Variants in HDAC4 observed in about 807,000 individuals in gnomAD.
The protein encoded by HDAC4 is histone deacetylase A.
Under a neutral mutation model 135.1 loss-of-function variants are expected in HDAC4, and 16 were observed. The ratio of observed to expected loss-of-function variants is 0.12; its 90% CI spans 0.08 to 0.18. The LOEUF (loss-of-function observed/expected upper bound fraction) is 0.18, where lower values mean the gene tolerates loss of function less well. Ranked by LOEUF, HDAC4 falls within the 10% of genes least tolerant of loss-of-function variation. The pLI, the probability that HDAC4 is intolerant of heterozygous loss-of-function variation, is 1.00. For synonymous variants in HDAC4, 685 were observed against 653.4 expected (o/e 1.05, Z -0.74); for missense variants, 1,143 against 1,511.8 (o/e 0.76, Z 4.05).
At position 239,331,436 on chromosome 2, in the gene HDAC4, C is replaced by T. The variant is rs1407697489; in HGVS notation, c.22+21242G>A. Among the ~76,000 whole-genome samples the T allele has an allele frequency of 6.6e-6, 1 of 152,186 alleles. No homozygotes were observed. Among genetic ancestry groups the T allele is most frequent in the Non-Finnish European group, 1.5e-5 (1 of 68,034 alleles). On this transcript the variant is annotated intron_variant, in intron 2 of 26. Transcript: ENST00000543185. This position sits in a 1 kb window ranked among gnomAD's most constrained non-coding sequence, Gnocchi z 4.5. ...CTGAATAAAAGTGCTATAAGAGCTGCTCAAGGCTGCAGATATATTTCAGTC... is the reference window on the plus strand; with the variant it reads ...CTGAATAAAAGTGCTATAAGAGCTGTTCAAGGCTGCAGATATATTTCAGTC...
intron 2 of HDAC4, among the ~76,000 whole-genome samples, chr2:239,254,127 G>T (rs1471938452): frequency 2.0e-5 from 3 of 152,140 alleles, no homozygotes; most frequent in Non-Finnish European, 4.4e-5. Context: ...CTAGAAATAA[G>T]GGTAAAACTA....
intron 2 of HDAC4, among the ~76,000 whole-genome samples, chr2:239,282,705 TGCAA>T (rs529041359): frequency 1.2e-4 from 16 of 131,622 alleles, no homozygotes; most frequent in African/African-American, 4.5e-4. Context: ...CACACCACTC[TGCAA>T]ACAATGTACA....
chr2:239,224,563 G>A (rs983603625), intron 3 of HDAC4, among the ~76,000 whole-genome samples: 13 of 152,118 alleles, frequency 8.5e-5, no homozygotes, highest in African/African-American at 2.4e-4. Context: ...GTGTAAAATC[G>A]CAGCCCCTCC....
chr2:239,338,900 C>G (rs1043924562), intron 2 of HDAC4, among the ~76,000 whole-genome samples: 1 of 152,190 alleles, frequency 6.6e-6, no homozygotes, highest in Non-Finnish European at 1.5e-5. Flanking sequence ...CTACCAAAAG[C>G]GTAGGTTCGG....
chr2:239,091,866 C>T (rs902202615), intron 17 of HDAC4: 6 of 150,926 alleles, frequency 4.0e-5, no homozygotes, highest in African/African-American at 1.5e-4. Context: ...CGAGACCATC[C>T]TGGCTAACAC....
intron 2 of HDAC4, among the ~76,000 whole-genome samples, chr2:239,337,089 C>T (rs556542170): frequency 2.6e-4 from 40 of 152,136 alleles, no homozygotes; most frequent in Non-Finnish European, 5.6e-4. Flanking sequence ...AGGAAGACCA[C>T]GGGGGAAAGT....
intron 3 of HDAC4, among the ~76,000 whole-genome samples, chr2:239,209,925 A>T (rs1297137186): frequency 2.0e-5 from 3 of 152,256 alleles, no homozygotes; most frequent in Admixed American, 6.5e-5. Context: ...GGCAAATCAG[A>T]CCCCTGGAGA....
intron 22 of HDAC4, among the ~76,000 whole-genome samples, chr2:239,072,248 C>T (rs1224365497): frequency 3.3e-5 from 5 of 152,160 alleles, no homozygotes; most frequent in South Asian, 4.1e-4. Context: ...CACGTTAGTG[C>T]GAATTTATTT....
At chr2:239,121,628 C>T (rs1450101446) in intron 12 of HDAC4, among the ~76,000 whole-genome samples, 2 of 152,252 alleles carry the variant, frequency 1.3e-5, no homozygotes, top group Non-Finnish European at 2.9e-5. Context: ...GAAGTGTCCC[C>T]CGCTGCCGCA....
intron 3 of HDAC4, among the ~76,000 whole-genome samples, chr2:239,202,355 G>A (rs1481805055): frequency 6.6e-6 from 1 of 152,252 alleles, no homozygotes; most frequent in Non-Finnish European, 1.5e-5. Context: ...AATTTCCAGT[G>A]TGGACTTAAG....
In HDAC4 at chr2:239,066,873, A is replaced by G. The variant is rs1221039862; in HGVS notation, c.2870-18T>C. 1.9e-6 allele frequency: 3 copies of G among 1,610,806 alleles called. No homozygotes were observed. In the East Asian group the frequency reaches 6.7e-5, roughly 36 times the overall value. ...CCCGAAGCCTGCAACGGGAAACGGG[A>G]GACTGCAGTGTGAACGGGGGAGGAC... is the stretch of plus-strand genomic sequence containing the variant. On this transcript the variant is annotated intron_variant, in intron 23 of 26. Transcript: ENST00000543185.
chr2:239,182,548 C>G (rs920538151), intron 4 of HDAC4, among the ~76,000 whole-genome samples: 3 of 152,218 alleles, frequency 2.0e-5, no homozygotes, highest in Non-Finnish European at 4.4e-5. Context: ...CCAGCAGTCA[C>G]AAACAGTGAC....
intron 2 of HDAC4, among the ~76,000 whole-genome samples, chr2:239,268,377 G>A (rs1471567524): frequency 6.6e-6 from 1 of 152,224 alleles, no homozygotes; most frequent in African/African-American, 2.4e-5. Context: ...ATTAGACTTG[G>A]GTCTAGATTT....
rs2052994750 is a variant in HDAC4, at chr2:239,313,745, C to T, written c.22+38933G>A. On this transcript the variant is annotated intron_variant, in intron 2 of 26. Transcript: ENST00000543185. The surrounding 1 kb of genome is among the most constrained non-coding windows in gnomAD (Gnocchi z 5.1). ...TTCACGCCTGGCAATATGGCACACG[C>T]ACTTTTAGAGACGTCTAATTATACT... Among the ~76,000 whole-genome samples, 2 of 152,198 alleles carry T rather than the reference C, an allele frequency of 1.3e-5. No homozygotes were observed.
intron 25 of HDAC4, 67 bp downstream of exon 25, chr2:239,054,682 G>T: frequency 1.0e-6 from 1 of 978,076 alleles, no homozygotes; most frequent in Non-Finnish European, 1.7e-6. Flanking sequence ...GGGGGACAGG[G>T]ATGGGGTGTG....
At chr2:239,250,338 G>A (rs1301057772) in intron 2 of HDAC4, among the ~76,000 whole-genome samples, 1 of 152,244 alleles carries the variant, frequency 6.6e-6, no homozygotes, top group Non-Finnish European at 1.5e-5. Context: ...CTCTAACCCT[G>A]CAGGTGGCTC....
chr2:239,393,848 G>A (rs909336105), intron 1 of HDAC4, among the ~76,000 whole-genome samples: 12 of 152,224 alleles, frequency 7.9e-5, no homozygotes, highest in African/African-American at 2.9e-4. Flanking sequence ...CAGAGAATGT[G>A]TTCAACTGAG....
intron 22 of HDAC4, among the ~76,000 whole-genome samples, chr2:239,075,353 T>C (rs1206580486): frequency 6.6e-6 from 1 of 151,802 alleles, no homozygotes; most frequent in African/African-American, 2.4e-5. Context: ...TTGGCCTTTC[T>C]TGGGGCAACC....
At chr2:239,265,952 G>A (rs970291858) in intron 2 of HDAC4, among the ~76,000 whole-genome samples, 8 of 152,194 alleles carry the variant, frequency 5.3e-5, no homozygotes, top group Admixed American at 2.0e-4. Context: ...AGGCCAAAGC[G>A]AGCTGCCTGT....
Sources: gnomAD v4.1 joint callset for allele counts (sites outside exome capture counted in the v4.1 genomes callset) on GRCh38, gnomAD v4.1.1 for gene constraint, Gnocchi (gnomAD v3.1) non-coding constraint, MANE v1.5 for transcripts, NCBI Gene and HGNC (gene_info 2026-07-23, HGNC 2026-07-21) for gene names.